The following ST7 variants were observed in gnomAD, a reference collection of about 807,000 sequenced individuals.
ST7 encodes the protein suppression of tumorigenicity 7.
In ST7, 28 loss-of-function variants were observed where a neutral mutation model predicts 78.7. The observed-to-expected ratio is 0.36, with a 90% confidence interval of 0.26 to 0.49. ST7 has a LOEUF of 0.49. ST7 is among the 20% of genes least tolerant of loss of function. The probability of loss-of-function intolerance (pLI) is 0.99; values close to 1 mark genes in which losing one functional copy is unlikely to be tolerated. For missense variants in ST7, 418 were observed against 696.0 expected, an observed-to-expected ratio of 0.60 and a Z score of 4.49; for synonymous variants, 247 against 249.6, an observed-to-expected ratio of 0.99 and a Z score of 0.10.
intron 1 of ST7, chr7:116,959,038 C>CT: frequency 2.6e-6 from 1 of 388,452 alleles, no homozygotes; most frequent in South Asian, 2.0e-5. Context: ...GTGATGCTGT[C>CT]TGATAGCATT....
intron 1 of ST7, among the ~76,000 whole-genome samples, chr7:117,008,175 G>A (rs1392619312): frequency 6.6e-6 from 1 of 152,136 alleles, no homozygotes; most frequent in Admixed American, 6.5e-5. Flanking sequence ...TAGGTATCAT[G>A]ATCAGCGTAA....
chr7:117,207,279 G>C (rs890073729), intron 12 of ST7, among the ~76,000 whole-genome samples: 3 of 152,030 alleles, frequency 2.0e-5, no homozygotes, highest in Non-Finnish European at 4.4e-5. Context: ...GAACAGCTGG[G>C]ATTGTAGGCA....
intron 15 of ST7, among the ~76,000 whole-genome samples, chr7:117,226,661 C>T (rs1399859916): frequency 3.9e-5 from 6 of 152,174 alleles, no homozygotes; most frequent in African/African-American, 1.4e-4. Flanking sequence ...AAGGGCTTAG[C>T]AGCTTCAGAC....
intron 7 of ST7, among the ~76,000 whole-genome samples, chr7:117,134,823 G>A (rs190032189): frequency 3.9e-4 from 59 of 152,012 alleles, no homozygotes; most frequent in African/African-American, 1.3e-3. Flanking sequence ...GTTTTTCTGG[G>A]CATTTTTCTC....
intron 1 of ST7, among the ~76,000 whole-genome samples, chr7:117,013,021 A>C (rs772976703): frequency 1.1e-4 from 16 of 152,234 alleles, no homozygotes; most frequent in Non-Finnish European, 2.2e-4. Flanking sequence ...GTCTCTTAAG[A>C]ATTATAAAAT....
intron 9 of ST7, among the ~76,000 whole-genome samples, chr7:117,140,259 G>A (rs898772706): frequency 6.6e-6 from 1 of 152,110 alleles, no homozygotes; most frequent in Admixed American, 6.5e-5. Flanking sequence ...TGTAGATCTT[G>A]GGGGAGAGAT....
chr7:117,016,454 T>G (rs987317898), intron 1 of ST7, among the ~76,000 whole-genome samples: 1 of 152,214 alleles, frequency 6.6e-6, no homozygotes, highest in African/African-American at 2.4e-5. Flanking sequence ...CATTGAAGAA[T>G]TCTTTCATTT....
At chr7:117,074,603 A>T (rs1799213231) in intron 1 of ST7, 1 of 152,228 alleles carries the variant, frequency 6.6e-6, no homozygotes, top group South Asian at 2.1e-4. Flanking sequence ...CATGTAAAAG[A>T]AAAGTCATTA....
rs980697892 is a variant in ST7, at chr7:117,168,528, A to G, written c.964-2334A>G. ...GAAAGAGAAAAAAAAATCAAAGGGT[A>G]ATCTCAACTAGAATCAAAATGAACC... On this transcript the variant is annotated intron_variant, in intron 9 of 15. Coordinates refer to ENST00000323984, the MANE Select transcript of ST7 (RefSeq NM_001369598.1). Among the ~76,000 whole-genome samples, 9 of 152,098 alleles carry G rather than the reference A, an allele frequency of 5.9e-5. No homozygotes were observed. In the East Asian group the frequency reaches 9.6e-4, roughly 16 times the overall value.
chr7:117,094,663 A>T (rs1800887652), intron 1 of ST7, among the ~76,000 whole-genome samples: 1 of 152,202 alleles, frequency 6.6e-6, no homozygotes, highest in Non-Finnish European at 1.5e-5. Context: ...GGAAACAGAT[A>T]GGAAACCAAA....
At chr7:117,028,242 C>T (rs1168545665) in intron 1 of ST7, among the ~76,000 whole-genome samples, 1 of 152,136 alleles carries the variant, frequency 6.6e-6, no homozygotes, top group African/African-American at 2.4e-5. Context: ...TAATGAGTTA[C>T]TAATAATCAT....
intron 1 of ST7, among the ~76,000 whole-genome samples, chr7:117,055,156 G>A (rs2116398779): frequency 6.6e-6 from 1 of 152,184 alleles, no homozygotes; most frequent in African/African-American, 2.4e-5. Flanking sequence ...TGTGGGTACT[G>A]TTGTTATCTC....
chr7:117,164,191 A>T (rs895164963), intron 9 of ST7, among the ~76,000 whole-genome samples: 1 of 152,180 alleles, frequency 6.6e-6, no homozygotes, highest in Non-Finnish European at 1.5e-5. Context: ...ATTCATCCAC[A>T]TATCTACAGC....
At chr7:117,129,923 T>C (rs1279077764) in intron 4 of ST7, 76 bp downstream of exon 4, 1 of 1,193,368 alleles carries the variant, frequency 8.4e-7, no homozygotes, top group African/African-American at 1.5e-5. Flanking sequence ...TTTTTGCTGG[T>C]TCATTTAGGG....
chr7:116,994,977 A>G lies in ST7; in HGVS notation c.151+41286A>G, dbSNP rs540423227. Among the ~76,000 whole-genome samples, 177 of 152,046 alleles carry G rather than the reference A, an allele frequency of 1.2e-3. 1 individual carries two copies. The highest frequency in any genetic ancestry group is 2.1e-3 in the Non-Finnish European group (145 of 68,010). On this transcript the variant is annotated intron_variant, in intron 1 of 15. Coordinates refer to ENST00000323984, the MANE Select transcript of ST7 (RefSeq NM_001369598.1). ...CGACTTTTTCAGTCAAATGTCTTGC[A>G]TGCCTCTGTATTCTGGTTGGGTTTA...
chr7:116,966,092 A>C (rs747881128), intron 1 of ST7: 59 of 466,866 alleles, frequency 1.3e-4, no homozygotes, highest in South Asian at 7.5e-4. Context: ...TATAAGGTCC[A>C]TTTTAACATG....
At chr7:117,172,093 G>A (rs576466158) in intron 10 of ST7, among the ~76,000 whole-genome samples, 3 of 152,034 alleles carry the variant, frequency 2.0e-5, no homozygotes, top group East Asian at 3.9e-4. Flanking sequence ...TAGGACTATA[G>A]GAGTGTGCCA....
chr7:116,986,530 C>T (rs139785022), intron 1 of ST7, among the ~76,000 whole-genome samples: 93 of 152,066 alleles, frequency 6.1e-4, no homozygotes, highest in Middle Eastern at 3.4e-3. Flanking sequence ...AAATGGATTC[C>T]AGCTGCTTCA....
intron 1 of ST7, among the ~76,000 whole-genome samples, chr7:116,998,987 A>G (rs939372136): frequency 2.6e-5 from 4 of 152,232 alleles, no homozygotes; most frequent in African/African-American, 9.6e-5. Context: ...TTGTGTCCCT[A>G]CTATGTGCTA....
Sources: gnomAD v4.1 joint callset for allele counts (sites outside exome capture counted in the v4.1 genomes callset) on GRCh38, gnomAD v4.1.1 for gene constraint, MANE v1.5 for transcripts, NCBI Gene and HGNC (gene_info 2026-07-23, HGNC 2026-07-21) for gene names.